The following BTBD10 variants were observed in gnomAD, a reference collection of about 807,000 sequenced individuals.
BTBD10 encodes the protein BTB/POZ domain-containing protein 10.
Under a neutral mutation model 53.2 loss-of-function variants are expected in BTBD10, and 21 were observed. The observed-to-expected ratio is 0.39, with a 90% confidence interval of 0.28 to 0.57. The LOEUF is 0.57. BTBD10 is among the 20% of genes least tolerant of loss of function. The pLI is 0.53. For synonymous variants in BTBD10, 149 were observed against 192.7 expected, an observed-to-expected ratio of 0.77 and a Z score of 1.88; for missense variants, 360 against 594.7, an observed-to-expected ratio of 0.61 and a Z score of 4.10.
At chr11:13,417,992 C>T (rs112603342) in intron 4 of BTBD10, among the ~76,000 whole-genome samples, 2 of 151,936 alleles carry the variant, frequency 1.3e-5, no homozygotes, top group African/African-American at 4.8e-5. Flanking sequence ...AAAATATGTC[C>T]TAAACAATAA....
At chr11:13,423,993 A>C (rs138471517) in intron 2 of BTBD10, among the ~76,000 whole-genome samples, 45 of 151,406 alleles carry the variant, frequency 3.0e-4, no homozygotes, top group Middle Eastern at 6.8e-3. Flanking sequence ...AACAGATCAA[A>C]AGATCCTACT....
intron 6 of BTBD10, among the ~76,000 whole-genome samples, chr11:13,411,572 TACACA>T (rs1949945437): frequency 6.6e-6 from 1 of 152,190 alleles, no homozygotes; most frequent in East Asian, 1.9e-4. Context: ...ATAATCATGT[TACACA>T]TATTTTACAT....
chr11:13,418,081 T>G (rs961918627), intron 4 of BTBD10, among the ~76,000 whole-genome samples: 1 of 152,112 alleles, frequency 6.6e-6, no homozygotes, highest in African/African-American at 2.4e-5. Context: ...TATGGTACGG[T>G]TGAACTAAGT....
intron 8 of BTBD10, among the ~76,000 whole-genome samples, chr11:13,397,482 C>A (rs1253488311): frequency 6.6e-6 from 1 of 152,042 alleles, no homozygotes; most frequent in African/African-American, 2.4e-5. Context: ...TTGATCCTTT[C>A]AAAAAACCAG....
chr11:13,399,729 TG>T (rs1179394543), intron 8 of BTBD10, among the ~76,000 whole-genome samples: 1 of 152,220 alleles, frequency 6.6e-6, no homozygotes, highest in Admixed American at 6.5e-5. Context: ...GTTTTTGGTG[TG>T]GATGTCCTTT....
At chr11:13,398,256 T>C (rs1325332424) in intron 8 of BTBD10, among the ~76,000 whole-genome samples, 2 of 152,168 alleles carry the variant, frequency 1.3e-5, no homozygotes, top group African/African-American at 4.8e-5. Flanking sequence ...TTTAGGATAG[T>C]TAGCTCTTCT....
chr11:13,402,295 T>C (rs779758314), intron 8 of BTBD10, among the ~76,000 whole-genome samples: 1 of 152,228 alleles, frequency 6.6e-6, no homozygotes, highest in Non-Finnish European at 1.5e-5. Flanking sequence ...ATTATCTTCA[T>C]TATCACCATC....
chr11:13,417,075 A>T (rs1306937254), intron 5 of BTBD10, 83 bp downstream of exon 5: 9 of 915,466 alleles, frequency 9.8e-6, no homozygotes, highest in Non-Finnish European at 1.5e-5. Flanking sequence ...CCAGAGAGAT[A>T]TTCAAATAGA....
intron 6 of BTBD10, among the ~76,000 whole-genome samples, chr11:13,408,640 C>T (rs887625038): frequency 1.3e-5 from 2 of 152,096 alleles, no homozygotes; most frequent in African/African-American, 4.8e-5. Context: ...TGAAGTCTCC[C>T]CCATCTCAAT....
intron 2 of BTBD10, among the ~76,000 whole-genome samples, chr11:13,441,222 T>C (rs1565265170): frequency 6.6e-6 from 1 of 152,108 alleles, no homozygotes; most frequent in Admixed American, 6.5e-5. Context: ...ACTAGTTTCT[T>C]TAACTGTAAA....
At chr11:13,400,326 G>C (rs2135756811) in intron 8 of BTBD10, among the ~76,000 whole-genome samples, 1 of 152,346 alleles carries the variant, frequency 6.6e-6, no homozygotes, top group Non-Finnish European at 1.5e-5. Context: ...AAGGCTCCGT[G>C]GGTGTAGGAC....
chr11:13,423,626 A>G (rs946640245), intron 2 of BTBD10, among the ~76,000 whole-genome samples: 1 of 152,212 alleles, frequency 6.6e-6, no homozygotes, highest in African/African-American at 2.4e-5. Context: ...GCTCTCCTTT[A>G]GCAAAACCAC....
intron 7 of BTBD10, 126 bp downstream of exon 7, chr11:13,405,533 A>T: frequency 9.6e-7 from 1 of 1,039,820 alleles, no homozygotes; most frequent in Non-Finnish European, 1.4e-6. Context: ...CATAAAACTT[A>T]ATTTATAAAA....
chr11:13,443,611 T>TC (rs908168529), intron 2 of BTBD10, among the ~76,000 whole-genome samples: 70 of 151,630 alleles, frequency 4.6e-4, no homozygotes, highest in African/African-American at 1.3e-3. Flanking sequence ...TTTTTTTTTT[T>TC]TGAGACAGCG....
chr11:13,409,963 G>A (rs977914415), intron 6 of BTBD10, among the ~76,000 whole-genome samples: 1 of 152,144 alleles, frequency 6.6e-6, no homozygotes, highest in East Asian at 1.9e-4. Context: ...GGACACAGAG[G>A]CACAAGAATG....
intron 8 of BTBD10, among the ~76,000 whole-genome samples, chr11:13,402,563 C>G (rs1362836874): frequency 6.6e-6 from 1 of 152,118 alleles, no homozygotes; most frequent in Non-Finnish European, 1.5e-5. Context: ...TCAATTAAGA[C>G]ACTTTGTTCC....
At chr11:13,436,847 T>C (rs181535166) in intron 2 of BTBD10, among the ~76,000 whole-genome samples, 2 of 152,168 alleles carry the variant, frequency 1.3e-5, no homozygotes, top group South Asian at 2.1e-4. Context: ...AGTGGCGTGA[T>C]CTCTGCTCAC....
intron 8 of BTBD10, among the ~76,000 whole-genome samples, chr11:13,391,152 T>A (rs1213026149): frequency 6.6e-6 from 1 of 152,240 alleles, no homozygotes; most frequent in African/African-American, 2.4e-5. Flanking sequence ...CTCCTCAGAA[T>A]ATTATACAAG....
chr11:13,457,326 T>C (rs1950992313), intron 1 of BTBD10, among the ~76,000 whole-genome samples: 1 of 152,162 alleles, frequency 6.6e-6, no homozygotes, highest in Admixed American at 6.5e-5. Context: ...TATTTGTAAA[T>C]ATATTCACTG....
Sources: gnomAD v4.1 joint callset for allele counts (sites outside exome capture counted in the v4.1 genomes callset) on GRCh38, gnomAD v4.1.1 for gene constraint, MANE v1.5 for transcripts, NCBI Gene and HGNC (gene_info 2026-07-23, HGNC 2026-07-21) for gene names.